Variants in PRKAG2 observed in about 807,000 individuals in gnomAD.
PRKAG2 encodes the protein protein kinase AMP-activated non-catalytic subunit gamma 2.
PRKAG2 carries 26 observed loss-of-function variants against 69.6 expected under a neutral mutation model. The observed-to-expected ratio is 0.37, with a 90% CI of 0.27 to 0.52. The LOEUF is 0.52. Ranked by LOEUF, PRKAG2 falls within the 20% of genes least tolerant of loss-of-function variation. The probability of loss-of-function intolerance (pLI) is 0.90; values close to 1 mark genes in which losing one functional copy is unlikely to be tolerated. For missense variants in PRKAG2, 557 were observed against 740.0 expected (o/e 0.75, Z 2.87); for synonymous variants, 293 against 285.0 (o/e 1.03, Z -0.28).
chr7:151,834,866 C>G (rs1362316304), intron 1 of PRKAG2, among the ~76,000 whole-genome samples: 1 of 152,238 alleles, frequency 6.6e-6, no homozygotes, highest in Non-Finnish European at 1.5e-5. Context: ...AGGGCTGGGT[C>G]TCTCTGAGGC....
Position 151,556,940 on chromosome 7 carries a change from A to C in PRKAG2, c.*261T>G. 5.7e-6 allele frequency: 3 copies of C among 521,970 alleles called. No homozygotes were observed. The highest frequency in any genetic ancestry group is 1.0e-5 in the Non-Finnish European group (3 of 293,236). The allele number at this position is 521,970 out of a possible 1,614,324, so 32.3% of individuals were successfully genotyped here. A position where few individuals can be genotyped will look rare whatever the true frequency, so the allele number is the denominator to read the frequency against. The stretch of plus-strand genomic sequence containing the variant: ...TGAAATGAAAAATAATGAAAACTTC[A>C]GGACACAGTGCACTTTAATGACATA... On this transcript the variant is annotated 3_prime_UTR_variant, in exon 16 of 16. Coordinates refer to ENST00000287878, the MANE Select transcript of PRKAG2 (RefSeq NM_016203.4).
intron 3 of PRKAG2, among the ~76,000 whole-genome samples, chr7:151,682,075 C>G (rs1466216862): frequency 6.6e-6 from 1 of 152,174 alleles, no homozygotes; most frequent in Non-Finnish European, 1.5e-5. Flanking sequence ...GGTAGACCAA[C>G]AAAGAAGTGA....
intron 1 of PRKAG2, among the ~76,000 whole-genome samples, chr7:151,800,529 A>G (rs1020615361): frequency 6.6e-6 from 1 of 152,040 alleles, no homozygotes; most frequent in Non-Finnish European, 1.5e-5. Flanking sequence ...TCCTTCGAAC[A>G]CATCCAGGTG....
chr7:151,799,186 T>C (rs1184238302), intron 1 of PRKAG2, among the ~76,000 whole-genome samples: 1 of 152,160 alleles, frequency 6.6e-6, no homozygotes, highest in Non-Finnish European at 1.5e-5. Context: ...GCCCTTCTGT[T>C]ACAGGTGGGG....
chr7:151,830,166 G>A (rs1226217011), intron 1 of PRKAG2, among the ~76,000 whole-genome samples: 2 of 148,938 alleles, frequency 1.3e-5, no homozygotes, highest in African/African-American at 5.0e-5. Flanking sequence ...ACCTGGGGTC[G>A]CTGATAGAAG....
chr7:151,805,364 T>C (rs531348756), intron 1 of PRKAG2, among the ~76,000 whole-genome samples: 1 of 152,274 alleles, frequency 6.6e-6, no homozygotes, highest in African/African-American at 2.4e-5. Flanking sequence ...AAGGAGCCTC[T>C]AGGATGTGCC....
chr7:151,825,260 C>T (rs555226424), intron 1 of PRKAG2, among the ~76,000 whole-genome samples: 190 of 152,216 alleles, frequency 1.2e-3, no homozygotes, highest in Non-Finnish European at 2.4e-3. Context: ...CCTGGCATTG[C>T]TATTTGAATC....
At chr7:151,725,028 C>A (rs1457248234) in intron 3 of PRKAG2, among the ~76,000 whole-genome samples, 5 of 152,058 alleles carry the variant, frequency 3.3e-5, no homozygotes, top group Admixed American at 6.5e-5. Flanking sequence ...CCGCGCCTGA[C>A]GTGAGTACTC....
intron 1 of PRKAG2, among the ~76,000 whole-genome samples, chr7:151,856,159 T>G (rs2079770238): frequency 6.6e-6 from 1 of 152,268 alleles, no homozygotes; most frequent in South Asian, 2.1e-4. Context: ...TATCATTTAA[T>G]TCTCATGGCC....
intron 5 of PRKAG2, among the ~76,000 whole-genome samples, chr7:151,607,714 AG>A (rs1817843560): frequency 6.6e-6 from 1 of 152,190 alleles, no homozygotes; most frequent in Admixed American, 6.5e-5. Flanking sequence ...TTTCAAAGGA[AG>A]GGTTTGAACT....
chr7:151,560,921 A>T (rs988595406), intron 14 of PRKAG2, among the ~76,000 whole-genome samples: 1 of 152,150 alleles, frequency 6.6e-6, no homozygotes, highest in African/African-American at 2.4e-5. Context: ...TCAGAAAAAG[A>T]AAAAAGCAAC....
chr7:151,858,735 G>A (rs1217406384), intron 1 of PRKAG2, among the ~76,000 whole-genome samples: 1 of 152,228 alleles, frequency 6.6e-6, no homozygotes, highest in Non-Finnish European at 1.5e-5. Context: ...GTTTTCCAGT[G>A]CTGAGATGGG....
Position 151,632,497 on chromosome 7 carries a change from C to T in PRKAG2, c.685-359G>A. The stretch of plus-strand genomic sequence containing the variant: ...GGGGCGCCCCCCTCCGGCCGTGGCC[C>T]GCGTCCTCCCCGCCGTGCCGCCATT... On this transcript the variant is annotated intron_variant, in intron 4 of 15. Coordinates refer to ENST00000287878, the MANE Select transcript of PRKAG2 (RefSeq NM_016203.4). The surrounding 1 kb of genome is among the most constrained non-coding windows in gnomAD (Gnocchi z 4.2). 34 of 886,790 alleles carry T rather than the reference C, an allele frequency of 3.8e-5. No individual in the cohort carries two copies. The highest frequency in any genetic ancestry group is 4.6e-5 in the Non-Finnish European group (34 of 740,714). The allele number at this position is 886,790 out of a possible 1,614,324, so 54.9% of individuals were successfully genotyped here.
At position 151,572,808 on chromosome 7, in the gene PRKAG2, T is replaced by C. The variant is rs1807904221; in HGVS notation, c.1006-99A>G. 5.1e-6 allele frequency: 4 copies of C among 777,532 alleles called. No individual in the cohort carries two copies. In the Admixed American group the frequency reaches 1.2e-4, roughly 22 times the overall value. 48.2% of individuals were successfully genotyped at this position (777,532 alleles called of 1,614,324 possible). A position where few individuals can be genotyped will look rare whatever the true frequency, so the allele number is the denominator to read the frequency against. The stretch of plus-strand genomic sequence containing the variant: ...ACATAGCTTGGATAATAGCATTTTC[T>C]ATTCGCAATTAGAAAATGAGGCGGC... On this transcript the variant is annotated intron_variant, in intron 8 of 15. Coordinates refer to ENST00000287878, the MANE Select transcript of PRKAG2 (RefSeq NM_016203.4).
intron 1 of PRKAG2, among the ~76,000 whole-genome samples, chr7:151,860,372 C>T (rs2079888610): frequency 6.6e-6 from 1 of 152,204 alleles, no homozygotes; most frequent in African/African-American, 2.4e-5. Flanking sequence ...CCACCTGCAT[C>T]TCTACATTGC....
chr7:151,651,602 A>G lies in PRKAG2; in HGVS notation c.685-19464T>C, dbSNP rs192870223. ...AGCCTAGGCAACAGGGCGAGACTCCACCTAAAAACAAACAAAAAACCAAAA... is the reference window on the plus strand; with the variant it reads ...AGCCTAGGCAACAGGGCGAGACTCCGCCTAAAAACAAACAAAAAACCAAAA... On this transcript the variant is annotated intron_variant, in intron 4 of 15. Coordinates refer to ENST00000287878, the MANE Select transcript of PRKAG2 (RefSeq NM_016203.4). Among the ~76,000 whole-genome samples the G allele has an allele frequency of 5.9e-3, 900 of 152,210 alleles. 7 individuals are homozygous for G. Among genetic ancestry groups the G allele is most frequent in the African/African-American group, 0.02 (847 of 41,520 alleles).
chr7:151,679,793 G>A (rs1833558246), intron 3 of PRKAG2, among the ~76,000 whole-genome samples: 3 of 151,788 alleles, frequency 2.0e-5, no homozygotes, highest in South Asian at 4.2e-4. Flanking sequence ...GGCCAGGTGC[G>A]GTGGCTCATG....
chr7:151,831,639 T>C (rs889424207), intron 1 of PRKAG2, among the ~76,000 whole-genome samples: 1 of 152,208 alleles, frequency 6.6e-6, no homozygotes, highest in Admixed American at 6.5e-5. Context: ...CTTGTTTCAC[T>C]GATGTGGCAG....
intron 4 of PRKAG2, among the ~76,000 whole-genome samples, chr7:151,650,664 T>A (rs1039879308): frequency 2.0e-5 from 3 of 152,226 alleles, no homozygotes; most frequent in African/African-American, 7.2e-5. Flanking sequence ...ACCATTGCTT[T>A]TCCCCATCAA....
Sources: allele counts gnomAD v4.1 joint callset (sites outside exome capture counted in the v4.1 genomes callset), GRCh38; gene constraint gnomAD v4.1.1; non-coding constraint Gnocchi (gnomAD v3.1); transcripts MANE v1.5; gene names NCBI Gene and HGNC (gene_info 2026-07-23, HGNC 2026-07-21).